The following SPOCK3 variants were observed in gnomAD, a reference collection of about 807,000 sequenced individuals.
The protein encoded by SPOCK3 is SPARC (osteonectin), cwcv and kazal like domains proteoglycan 3.
In SPOCK3, 30 loss-of-function variants were observed where a neutral mutation model predicts 56.6. The ratio of observed to expected loss-of-function variants is 0.53; its 90% confidence interval spans 0.40 to 0.72. The LOEUF is 0.72. SPOCK3 is among the 30% of genes least tolerant of loss of function. The pLI is 0.00. For synonymous variants in SPOCK3, 196 were observed against 183.3 expected, an observed-to-expected ratio of 1.07 and a Z score of -0.56; for missense variants, 527 against 530.0, an observed-to-expected ratio of 0.99 and a Z score of 0.06.
At chr4:167,055,584 G>C (rs749050619) in intron 3 of SPOCK3, among the ~76,000 whole-genome samples, 1 of 152,150 alleles carries the variant, frequency 6.6e-6, no homozygotes, top group Non-Finnish European at 1.5e-5. Flanking sequence ...CTGGAAAATC[G>C]GGTCACTCTC....
intron 2 of SPOCK3, among the ~76,000 whole-genome samples, chr4:167,103,513 G>A (rs957082581): frequency 1.3e-5 from 2 of 152,262 alleles, no homozygotes; most frequent in Admixed American, 1.3e-4. Context: ...TCCATGGAAG[G>A]GACAGGGAAG....
At chr4:167,218,101 C>G (rs1364511804) in intron 2 of SPOCK3, among the ~76,000 whole-genome samples, 2 of 152,190 alleles carry the variant, frequency 1.3e-5, no homozygotes, top group East Asian at 3.9e-4. Context: ...CTTACAAGAA[C>G]TACTGCTACA....
At chr4:167,049,889 ACT>A (rs1754041938) in intron 3 of SPOCK3, among the ~76,000 whole-genome samples, 1 of 152,088 alleles carries the variant, frequency 6.6e-6, no homozygotes, top group South Asian at 2.1e-4. Flanking sequence ...AAAAGGGTAT[ACT>A]CTGAGTTGAG....
At position 166,899,280 on chromosome 4, in the gene SPOCK3, ATCT is replaced by A. The variant is rs1560987034; in HGVS notation, c.475-10039_475-10037del. Among the ~76,000 whole-genome samples, 25 of 140,546 alleles carry A rather than the reference ATCT, an allele frequency of 1.8e-4. No homozygotes were observed. In the East Asian group the frequency reaches 2.8e-3, roughly 16 times the overall value. The allele number at this position is 140,546 out of a possible 152,430, so 92.2% of individuals were successfully genotyped here. Reference sequence around the variant, plus strand: ...TATCTATCTATCTATCTATCTATCTATCTATCTATCTATCTATCTATGTACCCT... The same window carrying A: ...TATCTATCTATCTATCTATCTATCTAATCTATCTATCTATCTATGTACCCT... On this transcript the variant is annotated intron_variant, in intron 5 of 10. Transcript: ENST00000357545.
chr4:166,750,043 TA>T (rs1736178226), intron 8 of SPOCK3, among the ~76,000 whole-genome samples: 1 of 152,198 alleles, frequency 6.6e-6, no homozygotes, highest in African/African-American at 2.4e-5. Context: ...TTTTGATTAG[TA>T]ACCTCAGAGA....
chr4:167,182,440 T>C (rs1731559971), intron 2 of SPOCK3, among the ~76,000 whole-genome samples: 1 of 151,018 alleles, frequency 6.6e-6, no homozygotes, highest in African/African-American at 2.4e-5. Context: ...TCCTGAGTCT[T>C]ATGCTCAAAG....
intron 4 of SPOCK3, among the ~76,000 whole-genome samples, chr4:166,994,927 T>G (rs565679156): frequency 3.3e-5 from 5 of 152,156 alleles, no homozygotes; most frequent in Non-Finnish European, 7.4e-5. Flanking sequence ...AACAGTACAT[T>G]AGGCAATAGG....
At chr4:166,776,956 T>C (rs1168097971) in intron 7 of SPOCK3, among the ~76,000 whole-genome samples, 1 of 152,154 alleles carries the variant, frequency 6.6e-6, no homozygotes, top group Admixed American at 6.6e-5. Flanking sequence ...ATGCAAAGAC[T>C]GAAGGACATT....
chr4:166,897,471 C>A (rs999921432), intron 5 of SPOCK3, among the ~76,000 whole-genome samples: 3 of 152,036 alleles, frequency 2.0e-5, no homozygotes, highest in Non-Finnish European at 4.4e-5. Flanking sequence ...GGATTGTTTG[C>A]AGTCTTTTAG....
chr4:167,081,758 A>AAAATCTACAGCTAATATG (rs887637311), intron 2 of SPOCK3, among the ~76,000 whole-genome samples: 5 of 152,044 alleles, frequency 3.3e-5, no homozygotes, highest in African/African-American at 1.2e-4. Flanking sequence ...ATGGCTAAGC[A>AAAATCTACAGCTAATATG]AAATCTACAG....
chr4:166,942,384 T>A (rs998246592), intron 4 of SPOCK3, among the ~76,000 whole-genome samples: 1 of 151,476 alleles, frequency 6.6e-6, no homozygotes, highest in African/African-American at 2.4e-5. Context: ...CTAATTTTTG[T>A]ATTTTTAGTA....
intron 4 of SPOCK3, among the ~76,000 whole-genome samples, chr4:166,995,187 C>A (rs1436993296): frequency 2.0e-5 from 3 of 151,902 alleles, no homozygotes; most frequent in Non-Finnish European, 4.4e-5. Flanking sequence ...AACTGTAAGT[C>A]ATCTTACTTC....
intron 2 of SPOCK3, among the ~76,000 whole-genome samples, chr4:167,184,702 G>A (rs192839843): frequency 5.2e-4 from 79 of 152,212 alleles, no homozygotes; most frequent in African/African-American, 1.7e-3. Flanking sequence ...CTTATCACCA[G>A]CTTTCCTCTG....
At chr4:166,779,067 C>G (rs751016367) in intron 7 of SPOCK3, among the ~76,000 whole-genome samples, 1 of 152,112 alleles carries the variant, frequency 6.6e-6, no homozygotes, top group Non-Finnish European at 1.5e-5. Flanking sequence ...ATCACCTCTG[C>G]TAAGACTAGA....
chr4:166,879,454 T>C lies in SPOCK3; in HGVS notation c.589+9676A>G, dbSNP rs572520715. ...AGGAGGCTGAGGTGGGAGGATCACT[T>C]GAGACCAGGACTTTGAGACCAACCT... On this transcript the variant is annotated intron_variant, in intron 6 of 10. Transcript: ENST00000357545. 2.9e-4 allele frequency among the ~76,000 whole-genome samples: 44 copies of C among 152,290 alleles called. No homozygotes were observed. In the South Asian group the frequency reaches 5.6e-3, roughly 19 times the overall value.
intron 7 of SPOCK3, among the ~76,000 whole-genome samples, chr4:166,771,429 G>A (rs1738915237): frequency 6.6e-6 from 1 of 151,948 alleles, no homozygotes. Flanking sequence ...TTGTCTAGAT[G>A]TGCACATTAA....
chr4:167,186,841 G>T (rs1389932614), intron 2 of SPOCK3, among the ~76,000 whole-genome samples: 1 of 151,590 alleles, frequency 6.6e-6, no homozygotes, highest in Admixed American at 6.6e-5. Context: ...GCTGGGCGTG[G>T]TGGCACATGC....
chr4:166,827,838 G>A (rs34899837), intron 6 of SPOCK3, among the ~76,000 whole-genome samples: 33 of 144,960 alleles, frequency 2.3e-4, no homozygotes, highest in Non-Finnish European at 1.8e-4. Context: ...CTCATCAAGG[G>A]AAAAAAAAAA....
chr4:166,885,270 A>C (rs187128003), intron 6 of SPOCK3, among the ~76,000 whole-genome samples: 101 of 150,616 alleles, frequency 6.7e-4, no homozygotes, highest in African/African-American at 2.3e-3. Flanking sequence ...CTTATTTCTA[A>C]AATAACCACC....
Sources: gnomAD v4.1 joint callset for allele counts (sites outside exome capture counted in the v4.1 genomes callset) on GRCh38, gnomAD v4.1.1 for gene constraint, MANE v1.5 for transcripts, NCBI Gene and HGNC (gene_info 2026-07-23, HGNC 2026-07-21) for gene names.